QTRT1: variants seen among roughly 807,000 people sequenced by gnomAD.
QTRT1 encodes the protein queuine tRNA-ribosyltransferase catalytic subunit 1, also known as TGT, 43-KD subunit.
A neutral mutation model predicts 44.0 loss-of-function variants in QTRT1; 41 were observed. That is an observed-to-expected ratio of 0.93 (90% CI 0.73 to 1.21). The LOEUF is 1.21. Ranked by LOEUF, QTRT1 falls within the 50% of genes most tolerant of loss-of-function variation. The pLI, the probability that QTRT1 is intolerant of heterozygous loss-of-function variation, is 0.00. For missense variants in QTRT1, 542 were observed against 575.8 expected (o/e 0.94, Z 0.60); for synonymous variants, 226 against 237.1 (o/e 0.95, Z 0.43).
chr19:10,702,114 A>G lies in QTRT1; in HGVS notation c.313-2A>G. The G allele has an allele frequency of 6.2e-7, 1 of 1,614,026 alleles. No homozygotes were observed. Among genetic ancestry groups the G allele is most frequent in the Non-Finnish European group, 8.5e-7 (1 of 1,179,994 alleles). On this transcript the variant is annotated splice_acceptor_variant, in intron 2 of 9. Coordinates refer to ENST00000250237, the MANE Select transcript of QTRT1 (RefSeq NM_031209.3). LOFTEE classifies it high-confidence loss of function. ...ACAGCTTTGCGGTGGGGTTTCCCTT[A>G]GGACAGCGGCGGTTTCCAGATGGTG...
Position 10,712,447 on chromosome 19 carries a change from C to A in QTRT1, c.786-106C>A. ...GGAAGACATGGCTGTCCCTTGGGGG[C>A]CATTCTGAGGGAATATGGCCCAGTC... On this transcript the variant is annotated intron_variant, in intron 6 of 9. Coordinates refer to ENST00000250237, the MANE Select transcript of QTRT1 (RefSeq NM_031209.3). The surrounding 1 kb of genome is among the most constrained non-coding windows in gnomAD (Gnocchi z 5.6). 1 of 1,445,120 alleles carries A rather than the reference C, an allele frequency of 6.9e-7. No individual in the cohort carries two copies. The highest frequency in any genetic ancestry group is 9.7e-7 in the Non-Finnish European group (1 of 1,034,452). 89.5% of individuals were successfully genotyped at this position (1,445,120 alleles called of 1,614,324 possible).
At chr19:10,705,977 C>T (rs933128478) in intron 3 of QTRT1, among the ~76,000 whole-genome samples, 6 of 146,626 alleles carry the variant, frequency 4.1e-5, no homozygotes, top group African/African-American at 1.5e-4. Flanking sequence ...TGCCTCAGTT[C>T]CCGAGTAGCT....
chr19:10,711,866 GGCTGT>G, intron 5 of QTRT1: 1 of 518,290 alleles, frequency 1.9e-6, no homozygotes, highest in Non-Finnish European at 3.5e-6. Flanking sequence ...AGGGACTGTG[GGCTGT>G]GCCTCTTCTG....
At position 10,707,437 on chromosome 19, in the gene QTRT1, T is replaced by C. The variant is rs929919086; in HGVS notation, c.530+57T>C. 4.3e-6 allele frequency: 7 copies of C among 1,609,586 alleles called. No homozygotes were observed. In the Admixed American group the frequency reaches 5.0e-5, roughly 12 times the overall value. ...TGTGGTGGGAGGGGATCCTGGTCCCTGTAGCCTTGTCTCCTACCCCCTCAC... is the reference window on the plus strand; with the variant it reads ...TGTGGTGGGAGGGGATCCTGGTCCCCGTAGCCTTGTCTCCTACCCCCTCAC... On this transcript the variant is annotated intron_variant, in intron 4 of 9. Coordinates refer to ENST00000250237, the MANE Select transcript of QTRT1 (RefSeq NM_031209.3).
Position 10,709,664 on chromosome 19 carries a change from C to T in QTRT1, c.646+2049C>T, listed in dbSNP as rs372658538. ...GAGATCGAGACCAACCTGGCTAACA[C>T]GGTGAAACCCCATCTCTACTAAAAA... On this transcript the variant is annotated intron_variant, in intron 5 of 9. Transcript: ENST00000250237. Among the ~76,000 whole-genome samples, 113 of 151,980 alleles carry T rather than the reference C, an allele frequency of 7.4e-4. 4 individuals are homozygous for T. In the South Asian group the frequency reaches 0.022, roughly 29 times the overall value.
Position 10,707,607 on chromosome 19 carries a change from G to C in QTRT1, c.638G>C (p.Cys213Ser). Residue 213 changes from cysteine to serine, a missense_variant, in exon 5 of 10, where the codon TGC becomes TCC. Cys to Ser is a moderately radical substitution (Grantham distance 112). Transcript: ENST00000250237. ...GGLDADLRAT[C>S]LEEMTKRDVP... ...CTGGACGCAGATCTCCGGGCCACCT[G>C]CCTTGAAGGTAGAGCCATGCGCTGG... 3.7e-6 allele frequency: 6 copies of C among 1,602,702 alleles called. No homozygotes were observed. Among genetic ancestry groups the C allele is most frequent in the Non-Finnish European group, 5.1e-6 (6 of 1,174,726 alleles).
At chr19:10,708,799 C>G (rs1307232310) in intron 5 of QTRT1, among the ~76,000 whole-genome samples, 1 of 132,136 alleles carries the variant, frequency 7.6e-6, no homozygotes, top group Non-Finnish European at 1.6e-5. Context: ...GAGTTTCGCT[C>G]TTGTTGCCCA....
At chr19:10,707,806 ATCT>A (rs1241562824) in intron 5 of QTRT1, among the ~76,000 whole-genome samples, 191 bp downstream of exon 5, 3 of 146,502 alleles carry the variant, frequency 2.0e-5, no homozygotes, top group East Asian at 2.0e-4. Context: ...GTAGTTAATG[ATCT>A]TCTAGGTTTT....
At chr19:10,704,102 C>G (rs1176507318) in intron 3 of QTRT1, among the ~76,000 whole-genome samples, 1 of 152,138 alleles carries the variant, frequency 6.6e-6, no homozygotes, top group East Asian at 1.9e-4. Context: ...CCGCCTTGGC[C>G]TCCCAAAGTG....
chr19:10,712,192 C>T lies in QTRT1; in HGVS notation c.678C>T (p.Ala226=), dbSNP rs768926905. The change falls in exon 6 of 10, where the codon GCC becomes GCT. Residue 226 remains alanine (A), a synonymous_variant. Transcript: ENST00000250237. This position sits in a 1 kb window ranked among gnomAD's most constrained non-coding sequence, Gnocchi z 5.6. The part of the protein sequence containing the change: ...EMTKRDVPGF[A]IGGLSGGESK... Reference sequence around the variant, plus strand: ...CCAAGCGAGACGTGCCTGGCTTCGCCATCGGGGGCCTGAGCGGGGGTGAGA... The same window carrying T: ...CCAAGCGAGACGTGCCTGGCTTCGCTATCGGGGGCCTGAGCGGGGGTGAGA... The T allele has an allele frequency of 6.2e-6, 10 of 1,613,714 alleles. No homozygotes were observed. The highest frequency in any genetic ancestry group is 1.1e-5 in the South Asian group (1 of 91,058).
intron 3 of QTRT1, among the ~76,000 whole-genome samples, chr19:10,703,582 C>A (rs1014650343): frequency 6.6e-6 from 1 of 152,094 alleles, no homozygotes; most frequent in Non-Finnish European, 1.5e-5. Context: ...GGCGGAGGCG[C>A]GATCATGACT....
In QTRT1 at chr19:10,712,507, A is replaced by G; in HGVS notation, c.786-46A>G. ...GTGAGGGTTGGGAGGGGCCCTGGGA[A>G]GCCCCTGAGGTTCTCTGCCCCCTCC... On this transcript the variant is annotated intron_variant, in intron 6 of 9. Transcript: ENST00000250237. The surrounding 1 kb of genome is among the most constrained non-coding windows in gnomAD (Gnocchi z 5.6). 6.5e-7 allele frequency: 1 copy of G among 1,535,250 alleles called. No individual in the cohort carries two copies. Among genetic ancestry groups the G allele is most frequent in the Non-Finnish European group, 9.0e-7 (1 of 1,108,802 alleles).
rs756008812 is a variant in QTRT1, at chr19:10,707,371, C to T, written c.521C>T (p.Ala174Val). 1.9e-6 allele frequency: 3 copies of T among 1,613,732 alleles called. No individual in the cohort carries two copies. The highest frequency in any genetic ancestry group is 1.1e-5 in the South Asian group (1 of 91,058). The change falls in exon 4 of 10, where the codon GCC (alanine) becomes GTC (valine). Residue 174 changes from alanine to valine, a missense_variant. Physicochemically the swap from Ala to Val is moderately conservative, Grantham distance 64. Coordinates refer to ENST00000250237, the MANE Select transcript of QTRT1 (RefSeq NM_031209.3). The stretch of plus-strand genomic sequence containing the variant: ...GTGACTGGGCCACGTGTGGAGGAGG[C>T]CATGTACAGGTGTGTATATGCTGTG... ...STVTGPRVEEAMYRSIRWLDR... is the reference protein window; with the variant it reads ...STVTGPRVEEVMYRSIRWLDR...
In QTRT1 at chr19:10,713,109, TC is replaced by T; in HGVS notation, c.1060-5del. The stretch of plus-strand genomic sequence containing the variant: ...GCGTATGCCCCACGCTGACCTCCCC[TC>T]CCCGCAGCTGCAGCTCATGAGCGCC... On this transcript the variant is annotated splice_region_variant and splice_polypyrimidine_tract_variant and intron_variant, in intron 9 of 9. Transcript: ENST00000250237. The surrounding 1 kb of genome is among the most constrained non-coding windows in gnomAD (Gnocchi z 4.3). 1.2e-6 allele frequency: 2 copies of T among 1,608,652 alleles called. No individual in the cohort carries two copies.
chr19:10,712,970 T>C lies in QTRT1; in HGVS notation c.989T>C (p.Leu330Pro). ...PTCQKHSRAF[L>P]HALLHSDNTA... ...CTCTACAGGCACAGCCGCGCCTTCC[T>C]GCACGCACTGCTGCACAGTGACAAC... Residue 330 changes from leucine to proline, a missense_variant, in exon 9 of 10, where the codon CTG (leucine) becomes CCG (proline). By Grantham distance (98) the Leu-to-Pro change is moderately conservative. Transcript: ENST00000250237. This position sits in a 1 kb window ranked among gnomAD's most constrained non-coding sequence, Gnocchi z 5.6. 6.2e-7 allele frequency: 1 copy of C among 1,612,856 alleles called. No homozygotes were observed. The highest frequency in any genetic ancestry group is 8.5e-7 in the Non-Finnish European group (1 of 1,179,932).
chr19:10,701,626 G>A lies in QTRT1; in HGVS notation c.166G>A (p.Gly56Ser), dbSNP rs2068689235. 6.2e-7 allele frequency: 1 copy of A among 1,604,828 alleles called. No individual in the cohort carries two copies. Among genetic ancestry groups the A allele is most frequent in the Non-Finnish European group, 8.5e-7 (1 of 1,176,868 alleles). The change falls in exon 1 of 10, where the codon GGC becomes AGC. Residue 56 changes from glycine (G) to serine (S), a missense_variant. Transcript: ENST00000250237. ...MPVGTQATMKGITTEQLDALG... is the reference protein window; with the variant it reads ...MPVGTQATMKSITTEQLDALG... ...AGTGGGCACGCAGGCCACCATGAAGGGCATCACGACCGAACAGCTGGACGC... is the reference window on the plus strand; with the variant it reads ...AGTGGGCACGCAGGCCACCATGAAGAGCATCACGACCGAACAGCTGGACGC...
intron 5 of QTRT1, among the ~76,000 whole-genome samples, chr19:10,708,254 T>C (rs1262610409): frequency 1.3e-5 from 2 of 152,102 alleles, no homozygotes; most frequent in African/African-American, 4.8e-5. Context: ...TGAGCCACCG[T>C]ACCTGGCCTC....
chr19:10,713,205 GATCCCA>G lies in QTRT1; in HGVS notation c.1148_1153del (p.Asp383_Thr385delinsAla), dbSNP rs769442907. 3.1e-6 allele frequency: 5 copies of G among 1,608,520 alleles called. No individual in the cohort carries two copies. Among genetic ancestry groups the G allele is most frequent in the Non-Finnish European group, 8.5e-7 (1 of 1,177,564 alleles). On this transcript the variant is annotated inframe_deletion, in exon 10 of 10. Transcript: ENST00000250237. The surrounding 1 kb of genome is among the most constrained non-coding windows in gnomAD (Gnocchi z 4.3). ...GGACTTCATGGGCGCCATGTACGGG[GATCCCA>G]CCCTCTGTCCCACCTGGGCCACTGA...
intron 3 of QTRT1, among the ~76,000 whole-genome samples, chr19:10,703,610 C>G (rs2068699877): frequency 1.3e-5 from 2 of 152,096 alleles, no homozygotes; most frequent in Non-Finnish European, 2.9e-5. Context: ...ACAGCTGCCT[C>G]CTGGTTCAAG....
Sources: gnomAD v4.1 joint callset for allele counts (sites outside exome capture counted in the v4.1 genomes callset) on GRCh38, gnomAD v4.1.1 for gene constraint, Gnocchi (gnomAD v3.1) non-coding constraint, MANE v1.5 for transcripts, NCBI Gene and HGNC (gene_info 2026-07-23, HGNC 2026-07-21) for gene names.